Variants in RMDN2 observed in about 807,000 individuals in gnomAD.
RMDN2 encodes regulator of microtubule dynamics protein 2.
A neutral mutation model predicts 52.8 loss-of-function variants in RMDN2; 61 were observed. The ratio of observed to expected loss-of-function variants is 1.16; its 90% CI spans 0.94 to 1.43. The LOEUF is 1.43. RMDN2 is among the 40% of genes most tolerant of loss of function. The pLI is 0.00. For missense variants in RMDN2, 592 were observed against 475.3 expected, an observed-to-expected ratio of 1.25 and a Z score of -2.28; for synonymous variants, 180 against 153.1, an observed-to-expected ratio of 1.18 and a Z score of -1.30.
intron 5 of RMDN2, among the ~76,000 whole-genome samples, chr2:37,986,354 A>G (rs1469471859): frequency 6.6e-6 from 1 of 152,208 alleles, no homozygotes. Flanking sequence ...AGACGGGGTC[A>G]TTGGTAAATT....
At chr2:38,026,981 C>T (rs974394374) in intron 10 of RMDN2, 4 of 151,900 alleles carry the variant, frequency 2.6e-5, no homozygotes, top group African/African-American at 9.7e-5. Context: ...TAATTTAATG[C>T]CATCATGGTC....
intron 2 of RMDN2, among the ~76,000 whole-genome samples, chr2:37,932,760 C>T (rs1378065758): frequency 3.0e-5 from 4 of 132,526 alleles, no homozygotes; most frequent in South Asian, 2.5e-4. Context: ...CCAGTAGGGG[C>T]GGCCGGGCAG....
intron 10 of RMDN2, among the ~76,000 whole-genome samples, chr2:38,062,758 C>T (rs950834071): frequency 7.1e-6 from 1 of 140,326 alleles, no homozygotes; most frequent in Non-Finnish European, 1.6e-5. Flanking sequence ...CAAATGCTAT[C>T]CCTCCCCCCT....
chr2:37,928,698 T>C (rs1277686789), intron 1 of RMDN2: 1 of 152,362 alleles, frequency 6.6e-6, no homozygotes, highest in African/African-American at 2.4e-5. Context: ...CCTGTGCTTG[T>C]GCGATAGAGC....
At chr2:38,021,745 C>G (rs543561795), downstream of RMDN2, among the ~76,000 whole-genome samples, 1 of 152,324 alleles carries the variant, frequency 6.6e-6, no homozygotes, top group Non-Finnish European at 1.5e-5. Flanking sequence ...ACAAATCCCA[C>G]CACTGATCCA....
intron 10 of RMDN2, among the ~76,000 whole-genome samples, chr2:38,047,927 G>C (rs1331307894): frequency 6.6e-6 from 1 of 152,116 alleles, no homozygotes; most frequent in Non-Finnish European, 1.5e-5. Flanking sequence ...ACTTGTGGGA[G>C]ACAAAAATTT....
chr2:37,942,952 C>T (rs917519374), intron 2 of RMDN2, among the ~76,000 whole-genome samples: 1 of 152,154 alleles, frequency 6.6e-6, no homozygotes, highest in Non-Finnish European at 1.5e-5. Context: ...AAGAAAAAAG[C>T]AATAAGTGCC....
chr2:37,932,080 T>A (rs532141915), intron 2 of RMDN2, among the ~76,000 whole-genome samples: 4 of 152,300 alleles, frequency 2.6e-5, no homozygotes, highest in Middle Eastern at 3.4e-3. Context: ...TTTATTTTTT[T>A]AATTGATCAT....
intron 10 of RMDN2, among the ~76,000 whole-genome samples, chr2:38,062,402 T>C (rs1057078530): frequency 1.3e-5 from 2 of 152,200 alleles, no homozygotes; most frequent in East Asian, 1.9e-4. Context: ...GTATCAATGG[T>C]TCATTCTTTT....
At chr2:37,962,363 G>A (rs1445405444) in intron 2 of RMDN2, among the ~76,000 whole-genome samples, 1 of 152,200 alleles carries the variant, frequency 6.6e-6, no homozygotes, top group Non-Finnish European at 1.5e-5. Flanking sequence ...GACTGGTGCT[G>A]CTGCCTTTCT....
chr2:37,994,649 G>A (rs967909342), intron 7 of RMDN2, among the ~76,000 whole-genome samples: 5 of 151,974 alleles, frequency 3.3e-5, no homozygotes, highest in Admixed American at 6.6e-5. Context: ...GAGAAAGACC[G>A]CTATTTATTC....
intron 10 of RMDN2, among the ~76,000 whole-genome samples, chr2:38,041,282 A>C (rs2125288735): frequency 6.6e-6 from 1 of 152,254 alleles, no homozygotes; most frequent in East Asian, 1.9e-4. Flanking sequence ...ACTACTTCTT[A>C]GCATGTGTTC....
intron 2 of RMDN2, chr2:37,951,605 T>G: frequency 6.2e-7 from 1 of 1,613,432 alleles, no homozygotes; most frequent in Non-Finnish European, 8.5e-7. Flanking sequence ...TCTCATCCCG[T>G]AAACTAAGTA....
chr2:37,940,103 C>G (rs1230631532), intron 2 of RMDN2, among the ~76,000 whole-genome samples: 1 of 152,106 alleles, frequency 6.6e-6, no homozygotes, highest in African/African-American at 2.4e-5. Context: ...TCAGCATTTG[C>G]TTGTCTGTAA....
At chr2:38,034,204 C>T (rs1171856534) in intron 10 of RMDN2, among the ~76,000 whole-genome samples, 1 of 152,200 alleles carries the variant, frequency 6.6e-6, no homozygotes, top group Admixed American at 6.5e-5. Flanking sequence ...TGTGTCAGCT[C>T]TTATCCCACT....
At chr2:38,019,612 C>A (rs1188858339), downstream of RMDN2, among the ~76,000 whole-genome samples, 2 of 152,154 alleles carry the variant, frequency 1.3e-5, no homozygotes, top group African/African-American at 4.8e-5. Context: ...GCATTAACTC[C>A]CTGCTGTATG....
chr2:37,926,689 C>T (rs1177564329), intron 1 of RMDN2, among the ~76,000 whole-genome samples: 1 of 152,164 alleles, frequency 6.6e-6, no homozygotes, highest in Non-Finnish European at 1.5e-5. Flanking sequence ...CTGCTTATCC[C>T]AGCACTTTGA....
chr2:38,037,531 A>T (rs1306851313), intron 10 of RMDN2, among the ~76,000 whole-genome samples: 1 of 152,260 alleles, frequency 6.6e-6, no homozygotes, highest in Non-Finnish European at 1.5e-5. Flanking sequence ...TGAAAGTCCC[A>T]GGAGAGAGAA....
intron 4 of RMDN2, among the ~76,000 whole-genome samples, chr2:37,977,850 C>A (rs944560560): frequency 1.3e-5 from 2 of 151,626 alleles, no homozygotes; most frequent in African/African-American, 4.8e-5. Flanking sequence ...GGCGGCCGGG[C>A]AGAGGGGCTC....
Sources: gnomAD v4.1 joint callset for allele counts (sites outside exome capture counted in the v4.1 genomes callset) on GRCh38, gnomAD v4.1.1 for gene constraint, MANE v1.5 for transcripts, NCBI Gene and HGNC (gene_info 2026-07-23, HGNC 2026-07-21) for gene names.